The following COL6A5 variants were observed in gnomAD, a reference collection of about 807,000 sequenced individuals.
COL6A5 encodes collagen type VI alpha 5 chain, also known as collagen alpha-5(VI) chain.
In COL6A5, 48 loss-of-function variants were observed where a neutral mutation model predicts 65.6. The ratio of observed to expected loss-of-function variants is 0.73; its 90% CI spans 0.58 to 0.93. The LOEUF is 0.93. COL6A5 is among the 40% of genes least tolerant of loss of function. COL6A5 has a pLI of 0.00. For synonymous variants in COL6A5, 291 were observed against 322.8 expected, an observed-to-expected ratio of 0.90 and a Z score of 1.05; for missense variants, 914 against 928.3, an observed-to-expected ratio of 0.98 and a Z score of 0.20.
chr3:130,450,272 T>C (rs1446774500), intron 4 of COL6A5, among the ~76,000 whole-genome samples: 1 of 152,146 alleles, frequency 6.6e-6, no homozygotes, highest in African/African-American at 2.4e-5. Flanking sequence ...GGGGTTTCCA[T>C]CTATATCATA....
At chr3:130,419,819 G>A (rs1319364398) in intron 25 of COL6A5, among the ~76,000 whole-genome samples, 1 of 152,064 alleles carries the variant, frequency 6.6e-6, no homozygotes, top group Non-Finnish European at 1.5e-5. Context: ...GAAGTAATAA[G>A]TTCAAGAGAT....
chr3:130,455,405 CT>C, intron 4 of COL6A5, 49 bp from the exon 37 acceptor site: 1 of 1,110,804 alleles, frequency 9.0e-7, no homozygotes, highest in East Asian at 2.4e-5. Flanking sequence ...TTTTATTTGC[CT>C]CCTTCTCTAA....
chr3:130,379,369 T>C (rs1935905237), intron 3 of COL6A5, 49 bp from the exon 4 acceptor site: 2 of 1,473,860 alleles, frequency 1.4e-6, no homozygotes, highest in South Asian at 1.4e-5. Context: ...CCTTTTTCTC[T>C]CCGGGCCAGT....
intron 1 of COL6A5, among the ~76,000 whole-genome samples, chr3:130,371,296 CT>C (rs991000941): frequency 3.7e-4 from 54 of 145,396 alleles, no homozygotes; most frequent in Admixed American, 7.5e-4. Context: ...GATGCCTTTT[CT>C]TTTTTTTTTT....
chr3:130,368,635 T>C (rs2107629721), intron 1 of COL6A5, among the ~76,000 whole-genome samples: 2 of 151,874 alleles, frequency 1.3e-5, no homozygotes, highest in Middle Eastern at 3.4e-3. Context: ...CAGAATATGA[T>C]AGGTACCAAA....
In COL6A5 at chr3:130,439,635, T is replaced by G. The variant is rs573958520; in HGVS notation, c.581+20T>G. 1 of 1,516,108 alleles carries G rather than the reference T, an allele frequency of 6.6e-7. No homozygotes were observed. The highest frequency in any genetic ancestry group is 2.0e-5 in the Admixed American group (1 of 50,814). The allele number at this position is 1,516,108 out of a possible 1,614,324, so 93.9% of individuals were successfully genotyped here. On this transcript the variant is annotated intron_variant, in intron 2 of 7. Transcript: ENST00000512836. ...GCTATGGTAAGACCAATGAAGAGAATTGACTGTGCTGAAGAGCTTAAATGC... is the reference window on the plus strand; with the variant it reads ...GCTATGGTAAGACCAATGAAGAGAAGTGACTGTGCTGAAGAGCTTAAATGC...
chr3:130,382,461 CA>C lies in COL6A5; in HGVS notation c.1301-2341del, dbSNP rs373097059. ...TTTGAGAAAATACAGGTGAAAACAC[CA>C]ATAGTGTCTGTTTTAAACTTAGAGT... is the stretch of plus-strand genomic sequence containing the variant. On this transcript the variant is annotated intron_variant and NMD_transcript_variant, in intron 4 of 41. Transcript: ENST00000312481. Among the ~76,000 whole-genome samples, 146 of 142,712 alleles carry C rather than the reference CA, an allele frequency of 1.0e-3. 1 individual carries two copies. The highest frequency in any genetic ancestry group is 3.9e-3 in the African/African-American group (143 of 36,330). The allele number at this position is 142,712 out of a possible 152,430, so 93.6% of individuals were successfully genotyped here.
intron 1 of COL6A5, among the ~76,000 whole-genome samples, chr3:130,352,858 A>C (rs1934775470): frequency 6.6e-6 from 1 of 152,240 alleles, no homozygotes; most frequent in Admixed American, 6.5e-5. Flanking sequence ...CATCTACCTT[A>C]GTTCAAATCA....
At chr3:130,421,428 T>C (rs1441407621) in intron 27 of COL6A5, 68 bp downstream of exon 27, 13 of 1,435,480 alleles carry the variant, frequency 9.1e-6, no homozygotes, top group Non-Finnish European at 2.9e-6. Flanking sequence ...GAGATAAACC[T>C]GTAGGTCTGA....
chr3:130,379,251 A>G (rs1935900812), intron 3 of COL6A5, among the ~76,000 whole-genome samples, 167 bp from the exon 4 acceptor site: 1 of 152,094 alleles, frequency 6.6e-6, no homozygotes, highest in East Asian at 1.9e-4. Flanking sequence ...CGACCTTGTA[A>G]GTCTTGTTTA....
At chr3:130,436,832 C>T (rs951707452) in intron 1 of COL6A5, among the ~76,000 whole-genome samples, 2 of 152,022 alleles carry the variant, frequency 1.3e-5, no homozygotes, top group African/African-American at 2.4e-5. Flanking sequence ...ATTCTTTAGC[C>T]CTCTTCTCTA....
At chr3:130,378,621 A>G (rs1372568671) in intron 3 of COL6A5, among the ~76,000 whole-genome samples, 1 of 152,066 alleles carries the variant, frequency 6.6e-6, no homozygotes, top group Non-Finnish European at 1.5e-5. Context: ...TCATCTGTCA[A>G]TGTTTCCCCT....
intron 4 of COL6A5, among the ~76,000 whole-genome samples, chr3:130,454,577 A>G (rs1709522125): frequency 6.6e-6 from 1 of 152,210 alleles, no homozygotes; most frequent in Non-Finnish European, 1.5e-5. Flanking sequence ...CATAATCAAG[A>G]ATAAACTTCT....
At chr3:130,477,299 A>G (rs1710123575) in intron 7 of COL6A5, 2 of 453,548 alleles carry the variant, frequency 4.4e-6, no homozygotes, top group African/African-American at 2.0e-5. Flanking sequence ...AAGTTTGATC[A>G]TCTATTTGAC....
chr3:130,426,108 C>T, intron 29 of COL6A5, 106 bp from the exon 30 acceptor site: 24 of 1,008,754 alleles, frequency 2.4e-5, no homozygotes, highest in Non-Finnish European at 3.6e-5. Flanking sequence ...TCTCTACCAG[C>T]TGTGCTTTTA....
At chr3:130,455,918 A>G (rs1709561746) in intron 5 of COL6A5, among the ~76,000 whole-genome samples, 1 of 152,158 alleles carries the variant, frequency 6.6e-6, no homozygotes, top group Non-Finnish European at 1.5e-5. Flanking sequence ...TTTCTCTAGC[A>G]TCCACAGTTT....
chr3:130,368,546 A>AGT (rs148381805), intron 1 of COL6A5, among the ~76,000 whole-genome samples: 5,747 of 150,144 alleles, frequency 0.038, 277 homozygotes, highest in African/African-American at 0.11. Context: ...TGTGTGAGAG[A>AGT]GTGTGTGTGT....
chr3:130,367,562 A>G (rs1248741060), intron 1 of COL6A5, among the ~76,000 whole-genome samples: 2 of 152,184 alleles, frequency 1.3e-5, no homozygotes, highest in Non-Finnish European at 2.9e-5. Context: ...TGCAGTTCAG[A>G]ATGGGAGGTG....
intron 7 of COL6A5, chr3:130,477,107 G>A (rs969648462): frequency 5.9e-5 from 88 of 1,489,766 alleles, no homozygotes; most frequent in Admixed American, 9.8e-5. Flanking sequence ...CAATACTTTC[G>A]TCATAGTGAT....
Sources: allele counts gnomAD v4.1 joint callset (sites outside exome capture counted in the v4.1 genomes callset), GRCh38; gene constraint gnomAD v4.1.1; transcripts MANE v1.5; gene names NCBI Gene and HGNC (gene_info 2026-07-23, HGNC 2026-07-21).